ZFHX3: variants seen among roughly 807,000 people sequenced by gnomAD.
ZFHX3 encodes the protein zinc finger homeobox 3.
ZFHX3 carries 42 observed loss-of-function variants against 279.1 expected under a neutral mutation model. That is an observed-to-expected ratio of 0.15 (90% CI 0.12 to 0.19). The LOEUF is 0.19. Among genes scored for constraint, ZFHX3 ranks in the 10% least tolerant of loss-of-function variants. ZFHX3 has a pLI of 1.00. For synonymous variants in ZFHX3, 2,293 were observed against 1,957.8 expected (o/e 1.17, Z -4.52); for missense variants, 4,981 against 4,754.0 (o/e 1.05, Z -1.40).
At chr16:72,918,993 G>T (rs1196021332) in intron 3 of ZFHX3, among the ~76,000 whole-genome samples, 1 of 152,044 alleles carries the variant, frequency 6.6e-6, no homozygotes, top group African/African-American at 2.4e-5. Context: ...ACCGCACCCG[G>T]CCTGTTTAGA....
At chr16:73,262,687 C>T (rs1597250198) in intron 4 of ZFHX3, among the ~76,000 whole-genome samples, 1 of 152,278 alleles carries the variant, frequency 6.6e-6, no homozygotes, top group South Asian at 2.1e-4. Context: ...CTTGCAGCTC[C>T]TCTTATCAAG....
At chr16:73,612,617 T>C (rs2052258664) in intron 2 of ZFHX3, among the ~76,000 whole-genome samples, 1 of 152,162 alleles carries the variant, frequency 6.6e-6, no homozygotes. Flanking sequence ...AATAAAGCTG[T>C]TTAAAAACAA....
chr16:73,433,226 C>A (rs1433054214), intron 3 of ZFHX3, among the ~76,000 whole-genome samples: 1 of 152,228 alleles, frequency 6.6e-6, no homozygotes, highest in African/African-American at 2.4e-5. Context: ...ATGTCCCCTG[C>A]AAGAGAGATT....
rs536496732 is a variant in ZFHX3 at position 72,810,252 on chromosome 16, GT to G, written c.3864+1324del. 3.7e-3 allele frequency among the ~76,000 whole-genome samples: 532 copies of G among 144,092 alleles called. 6 individuals carry two copies. Among genetic ancestry groups the G allele is most frequent in the African/African-American group, 0.013 (503 of 38,790 alleles). 94.5% of individuals were successfully genotyped at this position (144,092 alleles called of 152,430 possible). The stretch of plus-strand genomic sequence containing the variant: ...CCAGGCTGGAGTGCAGTAGCGCAAT[GT>G]CAGCTCACTGCAACCTCTGCCTCCC... On this transcript the variant is annotated intron_variant, in intron 7 of 9. Coordinates refer to ENST00000268489, the MANE Select transcript of ZFHX3 (RefSeq NM_006885.4).
chr16:73,751,995 G>A (rs1282284125), intron 1 of ZFHX3, among the ~76,000 whole-genome samples: 1 of 152,138 alleles, frequency 6.6e-6, no homozygotes, highest in African/African-American at 2.4e-5. Flanking sequence ...GAGAAACTAG[G>A]GTGGCTAAGA....
intron 1 of ZFHX3, among the ~76,000 whole-genome samples, chr16:73,035,860 T>C (rs1384771736): frequency 6.6e-6 from 1 of 152,190 alleles, no homozygotes; most frequent in African/African-American, 2.4e-5. Context: ...GCTGAGATTG[T>C]GCCACTGGAT....
chr16:73,884,572 G>A lies in ZFHX3; in HGVS notation c.-1608+7079C>T, dbSNP rs188704472. ...AAGCACTTTGTTCATTCAGCCCTGA[G>A]TACCAGTGGTGTTTCCAACCACAGA... On this transcript the variant is annotated intron_variant, in intron 1 of 17. Coordinates refer to the ZFHX3 transcript ENST00000641206. Among the ~76,000 whole-genome samples, 170 of 152,322 alleles carry A rather than the reference G, an allele frequency of 1.1e-3. 4 individuals are homozygous for A. The East Asian group carries it at 0.028, about 25-fold the overall frequency.
intron 7 of ZFHX3, among the ~76,000 whole-genome samples, chr16:73,107,818 C>T (rs1966322569): frequency 6.6e-6 from 1 of 151,984 alleles, no homozygotes. Context: ...AGTTTGAGGG[C>T]AGCCTGAGCA....
chr16:72,882,152 T>C (rs77580590), intron 4 of ZFHX3, among the ~76,000 whole-genome samples: 3,334 of 145,746 alleles, frequency 0.023, 52 homozygotes, highest in Middle Eastern at 0.073. Context: ...CCAGGAACCA[T>C]CAGCAGGTAC....
intron 3 of ZFHX3, among the ~76,000 whole-genome samples, chr16:72,926,842 C>T (rs368416764): frequency 5.3e-5 from 8 of 152,214 alleles, no homozygotes; most frequent in African/African-American, 1.9e-4. Context: ...CCTCTGGGCA[C>T]AGCCCATCAG....
intron 1 of ZFHX3, among the ~76,000 whole-genome samples, chr16:73,879,022 T>C (rs1052604901): frequency 1.3e-5 from 2 of 150,540 alleles, no homozygotes; most frequent in African/African-American, 2.4e-5. Flanking sequence ...TGAGATCTCC[T>C]CCCAGCATTT....
intron 3 of ZFHX3, among the ~76,000 whole-genome samples, chr16:73,408,238 A>G (rs1254488666): frequency 2.0e-5 from 3 of 152,046 alleles, no homozygotes; most frequent in Admixed American, 6.6e-5. Context: ...AGAAAAGTCT[A>G]TTGTTGTGTC....
At chr16:73,585,522 G>C (rs1011176014) in intron 2 of ZFHX3, among the ~76,000 whole-genome samples, 1 of 152,134 alleles carries the variant, frequency 6.6e-6, no homozygotes, top group African/African-American at 2.4e-5. Flanking sequence ...GTGATGGGTT[G>C]ATAGGTGCAG....
At chr16:73,187,081 G>C (rs1967926255) in intron 5 of ZFHX3, among the ~76,000 whole-genome samples, 1 of 151,788 alleles carries the variant, frequency 6.6e-6, no homozygotes, top group South Asian at 2.1e-4. Context: ...AGTCAAAATA[G>C]ACAGGCTTTC....
At chr16:73,360,588 C>T (rs983968901) in intron 3 of ZFHX3, among the ~76,000 whole-genome samples, 1 of 152,250 alleles carries the variant, frequency 6.6e-6, no homozygotes, top group Non-Finnish European at 1.5e-5. Flanking sequence ...ATCCACCCAC[C>T]TTGGCCTACC....
intron 2 of ZFHX3, among the ~76,000 whole-genome samples, chr16:73,677,830 G>T (rs972761706): frequency 2.6e-5 from 4 of 152,004 alleles, no homozygotes; most frequent in African/African-American, 9.6e-5. Flanking sequence ...TATATAATAT[G>T]CAGAAACCCT....
At chr16:73,417,459 T>C (rs2143480826) in intron 3 of ZFHX3, among the ~76,000 whole-genome samples, 1 of 143,782 alleles carries the variant, frequency 7.0e-6, no homozygotes, top group Admixed American at 7.4e-5. Context: ...TTCAAACTCC[T>C]GGGCTCAAGT....
chr16:73,639,830 G>T lies in ZFHX3; in HGVS notation c.-1547+40350C>A, dbSNP rs117634612. On this transcript the variant is annotated intron_variant, in intron 2 of 17. Transcript: ENST00000641206. ...GAAACTGGGAACAAAGACAACAATG[G>T]ATTAGAAATGTCAACAAATCTTTAA... is the stretch of plus-strand genomic sequence containing the variant. Among the ~76,000 whole-genome samples the T allele has an allele frequency of 8.2e-3, 1,245 of 152,166 alleles. 8 individuals are homozygous for T. Among genetic ancestry groups the T allele is most frequent in the South Asian group, 0.024 (117 of 4,820 alleles).
At position 72,786,508 on chromosome 16, in the gene ZFHX3, A is replaced by C. The variant is rs185920753; in HGVS notation, c.*656T>G. On this transcript the variant is annotated 3_prime_UTR_variant, in exon 10 of 10. Transcript: ENST00000268489. ...TATCCTTAAAAATCCCCAGAAAGCT[A>C]AAGCAGTTCACATTGTTTTTCTTGA... 1 of 150,926 alleles carries C rather than the reference A, an allele frequency of 6.6e-6. No homozygotes were observed. The highest frequency in any genetic ancestry group is 1.9e-4 in the East Asian group (1 of 5,154). The allele number at this position is 150,926 out of a possible 1,614,324, so 9.3% of individuals were successfully genotyped here.
Sources: allele counts gnomAD v4.1 joint callset (sites outside exome capture counted in the v4.1 genomes callset), GRCh38; gene constraint gnomAD v4.1.1; transcripts MANE v1.5; gene names NCBI Gene and HGNC (gene_info 2026-07-23, HGNC 2026-07-21).